The following RAD18 variants were observed in gnomAD, a reference collection of about 807,000 sequenced individuals.
The protein encoded by RAD18 is RAD18 E3 ubiquitin protein ligase.
In RAD18, 47 loss-of-function variants were observed where a neutral mutation model predicts 60.4. That is an observed-to-expected ratio of 0.78 (90% CI 0.62 to 0.99). The LOEUF (loss-of-function observed/expected upper bound fraction) is 0.99, where lower values mean the gene tolerates loss of function less well. RAD18 is among the 50% of genes least tolerant of loss of function. The pLI is 0.00. For synonymous variants in RAD18, 225 were observed against 195.5 expected (o/e 1.15, Z -1.26); for missense variants, 640 against 593.3 (o/e 1.08, Z -0.82).
intron 8 of RAD18, 157 bp from the exon 9 acceptor site, chr3:8,912,529 C>T: frequency 2.2e-6 from 1 of 453,696 alleles, no homozygotes; most frequent in Non-Finnish European, 3.8e-6. Context: ...TTCCTATGTA[C>T]TTCCCTTAAA....
At chr3:8,904,015 TG>T (rs924129377) in intron 9 of RAD18, among the ~76,000 whole-genome samples, 1 of 152,336 alleles carries the variant, frequency 6.6e-6, no homozygotes, top group Middle Eastern at 3.4e-3. Context: ...CTCTGTATGT[TG>T]TAGATAACTG....
chr3:8,898,316 C>T (rs958063206), intron 11 of RAD18, among the ~76,000 whole-genome samples: 7 of 151,616 alleles, frequency 4.6e-5, no homozygotes, highest in East Asian at 1.9e-4. Context: ...CCTATAGAAA[C>T]GTAACATTTA....
intron 9 of RAD18, among the ~76,000 whole-genome samples, chr3:8,909,128 G>A (rs1408319644): frequency 2.6e-5 from 4 of 152,178 alleles, no homozygotes; most frequent in African/African-American, 9.7e-5. Flanking sequence ...GGTAACAAAT[G>A]CCCTAAAACA....
chr3:8,912,268 G>T (rs748762707), intron 9 of RAD18, 44 bp downstream of exon 9: 1 of 1,356,474 alleles, frequency 7.4e-7, no homozygotes, highest in Non-Finnish European at 1.0e-6. Context: ...ATGAAAAACA[G>T]CAACTGAAGC....
At chr3:8,960,223 CT>C (rs1375238844) in intron 1 of RAD18, among the ~76,000 whole-genome samples, 1 of 152,160 alleles carries the variant, frequency 6.6e-6, no homozygotes, top group Non-Finnish European at 1.5e-5. Flanking sequence ...GGAAGGATTG[CT>C]TTAGCCCAGG....
intron 2 of RAD18, among the ~76,000 whole-genome samples, chr3:8,954,464 C>T (rs1247988918): frequency 1.3e-5 from 2 of 152,162 alleles, no homozygotes; most frequent in African/African-American, 2.4e-5. Context: ...AGAAAATTGG[C>T]ACTTGGGCAT....
chr3:8,963,409 G>A lies in RAD18; in HGVS notation c.-24C>T, dbSNP rs371832204. ...ATGGTCGCTCCCGAGGATGCTGGGG[G>A]TCAGCCACCCACTAGCCTCCGGCGC... On this transcript the variant is annotated 5_prime_UTR_variant, in exon 1 of 13. Coordinates refer to ENST00000264926, the MANE Select transcript of RAD18 (RefSeq NM_020165.4). The A allele has an allele frequency of 5.6e-4, 887 of 1,572,408 alleles. 1 individual carries two copies. The highest frequency in any genetic ancestry group is 7.2e-4 in the Non-Finnish European group (828 of 1,156,778).
intron 8 of RAD18, among the ~76,000 whole-genome samples, 196 bp downstream of exon 8, chr3:8,913,448 T>C (rs1156769354): frequency 6.6e-6 from 1 of 152,124 alleles, no homozygotes; most frequent in Non-Finnish European, 1.5e-5. Context: ...AAACTCTACT[T>C]TGGATTGCAT....
intron 12 of RAD18, among the ~76,000 whole-genome samples, chr3:8,884,685 C>T (rs1559752531): frequency 6.6e-6 from 1 of 152,156 alleles, no homozygotes; most frequent in Non-Finnish European, 1.5e-5. Flanking sequence ...GCAACAGACA[C>T]AGCTATTGAG....
At chr3:8,893,647 T>C (rs189595880) in intron 11 of RAD18, among the ~76,000 whole-genome samples, 32 of 152,000 alleles carry the variant, frequency 2.1e-4, no homozygotes, top group Non-Finnish European at 1.2e-4. Context: ...AGCAACTACC[T>C]CTACAGGCCA....
Position 8,926,622 on chromosome 3 carries a change from C to G in RAD18, c.889+9249G>C, listed in dbSNP as rs563263491. Among the ~76,000 whole-genome samples the G allele has an allele frequency of 1.0e-3, 153 of 152,278 alleles. 1 individual carries two copies. The highest frequency in any genetic ancestry group is 7.1e-3 in the South Asian group (34 of 4,818). On this transcript the variant is annotated intron_variant, in intron 7 of 12. Transcript: ENST00000264926. ...CCAAGTCAATCCTAAGCCAAGAGAACAAAGCTGGAGGCATCATGCTACTTG... is the reference window on the plus strand; with the variant it reads ...CCAAGTCAATCCTAAGCCAAGAGAAGAAAGCTGGAGGCATCATGCTACTTG...
At chr3:8,907,737 C>T (rs769615241) in intron 9 of RAD18, among the ~76,000 whole-genome samples, 5 of 152,118 alleles carry the variant, frequency 3.3e-5, no homozygotes, top group Non-Finnish European at 5.9e-5. Context: ...TTTCCAACTC[C>T]CATCCGCTGC....
intron 12 of RAD18, 58 bp from the exon 13 acceptor site, chr3:8,881,517 T>A (rs1939462143): frequency 4.4e-6 from 6 of 1,379,228 alleles, no homozygotes; most frequent in Non-Finnish European, 6.1e-6. Flanking sequence ...TACAGCAGTT[T>A]CTAGTTTACA....
intron 12 of RAD18, 108 bp from the exon 13 acceptor site, chr3:8,881,567 A>T: frequency 1.2e-6 from 1 of 818,638 alleles, no homozygotes; most frequent in East Asian, 2.6e-5. Context: ...ACCTCGAAAT[A>T]ATCCTCTATT....
chr3:8,958,947 T>C lies in RAD18; in HGVS notation c.106A>G (p.Met36Val), dbSNP rs139208519. 7 of 1,613,810 alleles carry C rather than the reference T, an allele frequency of 4.3e-6. No homozygotes were observed. The African/African-American group carries it at 5.3e-5, about 12-fold the overall frequency. The change falls in exon 2 of 13, where the codon ATG (methionine) becomes GTG (valine). Residue 36 changes from methionine to valine, a missense_variant. Transcript: ENST00000264926. Reference sequence around the variant, plus strand: ...TTATGTGAACACTGAGGTATTATCATTGCAATGTTGAAATACTCGAAGCAA... The same window carrying C: ...TTATGTGAACACTGAGGTATTATCACTGCAATGTTGAAATACTCGAAGCAA... ...GICFEYFNIA[M>V]IIPQCSHNYC...
In RAD18 at chr3:8,900,316, C is replaced by G. The variant is rs1939883566; in HGVS notation, c.1169-1269G>C. ...CAGAATCACATTAAGAGGAGCCAAT[C>G]CCCCAGTCAACTCGGTTCACCCAGG... On this transcript the variant is annotated intron_variant, in intron 10 of 12. Coordinates refer to ENST00000264926, the MANE Select transcript of RAD18 (RefSeq NM_020165.4). Among the ~76,000 whole-genome samples the G allele has an allele frequency of 1.3e-5, 2 of 152,172 alleles. 1 individual carries two copies. Among genetic ancestry groups the G allele is most frequent in the South Asian group, 4.1e-4 (2 of 4,828 alleles).
chr3:8,947,157 T>G, intron 4 of RAD18, 63 bp downstream of exon 4: 1 of 1,264,820 alleles, frequency 7.9e-7, no homozygotes, highest in Non-Finnish European at 1.1e-6. Context: ...GTGCACAAAG[T>G]AAAGAGAGAA....
intron 1 of RAD18, among the ~76,000 whole-genome samples, chr3:8,960,281 G>C (rs531720538): frequency 6.6e-6 from 1 of 152,190 alleles, no homozygotes; most frequent in African/African-American, 2.4e-5. Context: ...TTCCAGTCTG[G>C]GCGACAGTGA....
chr3:8,892,410 C>T (rs1316919452), intron 11 of RAD18, among the ~76,000 whole-genome samples: 1 of 152,194 alleles, frequency 6.6e-6, no homozygotes, highest in Admixed American at 6.5e-5. Context: ...GAAAGACTCA[C>T]TGGCAAAGAT....
Sources: allele counts gnomAD v4.1 joint callset (sites outside exome capture counted in the v4.1 genomes callset), GRCh38; gene constraint gnomAD v4.1.1; transcripts MANE v1.5; gene names NCBI Gene and HGNC (gene_info 2026-07-23, HGNC 2026-07-21).